The following CHST15 variants were observed in gnomAD, a reference collection of about 807,000 sequenced individuals.
The protein encoded by CHST15 is B cell RAG associated protein (GALNAC4S-6ST).
In CHST15, 30 loss-of-function variants were observed where a neutral mutation model predicts 53.6. The ratio of observed to expected loss-of-function variants is 0.56; its 90% CI spans 0.42 to 0.76. CHST15 has a LOEUF of 0.76. Among genes scored for constraint, CHST15 ranks in the 30% least tolerant of loss-of-function variants. The pLI is 0.00. For synonymous variants in CHST15, 296 were observed against 289.8 expected (o/e 1.02, Z -0.22); for missense variants, 627 against 740.5 (o/e 0.85, Z 1.78).
chr10:124,013,686 A>G (rs1165739291), intron 6 of CHST15, among the ~76,000 whole-genome samples: 1 of 152,070 alleles, frequency 6.6e-6, no homozygotes, highest in Non-Finnish European at 1.5e-5. Context: ...GTTTCCTCTA[A>G]CTCCACAGTT....
At position 124,046,267 on chromosome 10, in the gene CHST15, C is replaced by T. The variant is rs1177482869; in HGVS notation, c.-55G>A. The T allele has an allele frequency of 2.8e-5, 43 of 1,509,328 alleles. No homozygotes were observed. The South Asian group carries it at 2.9e-4, about 10-fold the overall frequency. The allele number at this position is 1,509,328 out of a possible 1,614,324, so 93.5% of individuals were successfully genotyped here. ...TACCGAGCCATGGGTGGGCCCCCCACGAGTCTGGATGTCCGCAAGTCGTGC... is the reference window on the plus strand; with the variant it reads ...TACCGAGCCATGGGTGGGCCCCCCATGAGTCTGGATGTCCGCAAGTCGTGC... On this transcript the variant is annotated 5_prime_UTR_variant, in exon 2 of 8. In the 5' UTR this introduces an upstream ATG that the reference lacks. Transcript: ENST00000435907.
chr10:124,054,850 G>A (rs1331848580), intron 1 of CHST15, among the ~76,000 whole-genome samples: 1 of 152,154 alleles, frequency 6.6e-6, no homozygotes, highest in African/African-American at 2.4e-5. Flanking sequence ...CCCAAAACAT[G>A]CCAAATTGAT....
At chr10:124,056,105 G>A (rs1395625505) in intron 1 of CHST15, among the ~76,000 whole-genome samples, 1 of 152,198 alleles carries the variant, frequency 6.6e-6, no homozygotes. Context: ...AGAGGCCTCA[G>A]GAGCCTGACA....
chr10:124,057,593 G>C (rs1248977064), intron 1 of CHST15, among the ~76,000 whole-genome samples: 1 of 152,244 alleles, frequency 6.6e-6, no homozygotes, highest in Admixed American at 6.5e-5. Flanking sequence ...AGACTCCAGA[G>C]GCTCCAGAAA....
intron 7 of CHST15, 90 bp downstream of exon 7, chr10:124,012,242 CT>C (rs1946436415): frequency 3.4e-6 from 5 of 1,464,258 alleles, no homozygotes; most frequent in Non-Finnish European, 4.6e-6. Context: ...TCCCACCCAG[CT>C]GACCAGGTCT....
intron 5 of CHST15, among the ~76,000 whole-genome samples, chr10:124,037,861 A>C (rs1290560767): frequency 6.6e-6 from 1 of 152,202 alleles, no homozygotes; most frequent in Non-Finnish European, 1.5e-5. Context: ...TCTAGGAGTT[A>C]AACCACGTGG....
intron 1 of CHST15, among the ~76,000 whole-genome samples, chr10:124,080,738 C>T (rs759145586): frequency 2.6e-5 from 4 of 152,216 alleles, no homozygotes; most frequent in Non-Finnish European, 4.4e-5. Flanking sequence ...CTGCAGGCCT[C>T]CGTTTCCCCA....
rs561496312 is a variant in CHST15 at position 124,028,745 on chromosome 10, T to A, written c.1191-7333A>T. On this transcript the variant is annotated intron_variant, in intron 5 of 7. Transcript: ENST00000435907. ...GGTGGCCTTGAGCTCTGACATGTCC[T>A]CCAGTTACTGCTCCACGTATGGGAC... is the stretch of plus-strand genomic sequence containing the variant. 2.0e-5 allele frequency among the ~76,000 whole-genome samples: 3 copies of A among 152,354 alleles called. No homozygotes were observed. The South Asian group carries it at 6.2e-4, about 32-fold the overall frequency.
intron 1 of CHST15, among the ~76,000 whole-genome samples, chr10:124,055,705 T>C (rs1236090711): frequency 4.6e-5 from 7 of 152,100 alleles, no homozygotes; most frequent in African/African-American, 1.7e-4. Flanking sequence ...CTGGAAAAGC[T>C]CACCCCCCTC....
In CHST15 at chr10:124,008,050, C is replaced by T. The variant is rs1387008027; in HGVS notation, c.*2099G>A. On this transcript the variant is annotated 3_prime_UTR_variant, in exon 8 of 8. Coordinates refer to ENST00000435907, the MANE Select transcript of CHST15 (RefSeq NM_001270764.2). ...ATTGAGTGGCACAGAAGGGATGGGA[C>T]TGCATATATAAAAAAGATCCGCATA... The T allele has an allele frequency of 8.1e-7, 1 of 1,231,922 alleles. No individual in the cohort carries two copies. Among genetic ancestry groups the T allele is most frequent in the Non-Finnish European group, 1.0e-6 (1 of 987,980 alleles). The allele number at this position is 1,231,922 out of a possible 1,614,324, so 76.3% of individuals were successfully genotyped here. A position where few individuals can be genotyped will look rare whatever the true frequency, so the allele number is the denominator to read the frequency against.
Position 124,024,873 on chromosome 10 carries a change from G to T in CHST15, c.1191-3461C>A, listed in dbSNP as rs183803006. 8.5e-5 allele frequency among the ~76,000 whole-genome samples: 13 copies of T among 152,284 alleles called. No homozygotes were observed. Among genetic ancestry groups the T allele is most frequent in the Admixed American group, 6.5e-4 (10 of 15,304 alleles). On this transcript the variant is annotated intron_variant, in intron 5 of 7. Transcript: ENST00000435907. The surrounding 1 kb of genome is among the most constrained non-coding windows in gnomAD (Gnocchi z 4.0). Reference sequence around the variant, plus strand: ...TTCCTATGAGTCCTGTCAATAATATGGCTCAGCCCAAGAAACTACGTCAAT... The same window carrying T: ...TTCCTATGAGTCCTGTCAATAATATTGCTCAGCCCAAGAAACTACGTCAAT...
At chr10:124,038,714 G>C in intron 4 of CHST15, 43 bp from the exon 5 acceptor site, 1 of 1,603,328 alleles carries the variant, frequency 6.2e-7, no homozygotes, top group Non-Finnish European at 8.5e-7. Flanking sequence ...GTGTGATTCA[G>C]GCTCCCACGG....
chr10:124,017,092 A>G (rs1946611817), intron 6 of CHST15, among the ~76,000 whole-genome samples: 2 of 152,198 alleles, frequency 1.3e-5, no homozygotes, highest in Admixed American at 6.5e-5. Context: ...GGTAGCAAGC[A>G]GACTGTACGT....
intron 5 of CHST15, among the ~76,000 whole-genome samples, chr10:124,026,590 T>C (rs1174388150): frequency 6.6e-6 from 1 of 152,110 alleles, no homozygotes; most frequent in Non-Finnish European, 1.5e-5. Flanking sequence ...ACCAATGTAA[T>C]GGAAAACACA....
In CHST15 at chr10:124,021,651, C is replaced by T. The variant is rs543839100; in HGVS notation, c.1191-239G>A. On this transcript the variant is annotated intron_variant, in intron 5 of 7. Transcript: ENST00000435907. ...GTCTATACTGGCCCCACACAAACCA[C>T]CAGCCGCTTTTATGGTGTTGCTTGT... 5.9e-5 allele frequency among the ~76,000 whole-genome samples: 9 copies of T among 152,308 alleles called. No individual in the cohort carries two copies. The South Asian group carries it at 1.9e-3, about 32-fold the overall frequency.
At chr10:124,038,905 G>T (rs549120446) in intron 4 of CHST15, among the ~76,000 whole-genome samples, 1 of 151,728 alleles carries the variant, frequency 6.6e-6, no homozygotes, top group East Asian at 1.9e-4. Flanking sequence ...AAGTCCAGGC[G>T]ATCCATGCAA....
chr10:124,036,510 G>C lies in CHST15; in HGVS notation c.1190+2005C>G, dbSNP rs1223054483. On this transcript the variant is annotated intron_variant, in intron 5 of 7. Transcript: ENST00000435907. The surrounding 1 kb of genome is among the most constrained non-coding windows in gnomAD (Gnocchi z 5.1). ...GGCAGATCCAGCCTCTCCCTGACCAGGTCATACTCAGAGCAGCGGGAGCCA... is the reference window on the plus strand; with the variant it reads ...GGCAGATCCAGCCTCTCCCTGACCACGTCATACTCAGAGCAGCGGGAGCCA... Among the ~76,000 whole-genome samples, 1 of 152,100 alleles carries C rather than the reference G, an allele frequency of 6.6e-6. No individual in the cohort carries two copies. Among genetic ancestry groups the C allele is most frequent in the Non-Finnish European group, 1.5e-5 (1 of 68,022 alleles).
chr10:124,069,678 A>T (rs1346497805), intron 1 of CHST15, among the ~76,000 whole-genome samples: 1 of 152,108 alleles, frequency 6.6e-6, no homozygotes, highest in Non-Finnish European at 1.5e-5. Flanking sequence ...AGAGCAGGGG[A>T]CCCAGAAAAC....
intron 1 of CHST15, among the ~76,000 whole-genome samples, chr10:124,070,282 G>C (rs1257535965): frequency 3.3e-5 from 5 of 152,188 alleles, no homozygotes; most frequent in Admixed American, 3.3e-4. Flanking sequence ...CCCACCTACG[G>C]GGATGTCACT....
Sources: gnomAD v4.1 joint callset for allele counts (sites outside exome capture counted in the v4.1 genomes callset) on GRCh38, gnomAD v4.1.1 for gene constraint, Gnocchi (gnomAD v3.1) non-coding constraint, MANE v1.5 for transcripts, NCBI Gene and HGNC (gene_info 2026-07-23, HGNC 2026-07-21) for gene names.